The following HECW2 variants were observed in gnomAD, a reference collection of about 807,000 sequenced individuals.
HECW2 encodes the protein E3 ubiquitin-protein ligase HECW2.
Under a neutral mutation model 175.2 loss-of-function variants are expected in HECW2, and 61 were observed. The ratio of observed to expected loss-of-function variants is 0.35; its 90% confidence interval spans 0.28 to 0.43. HECW2 has a LOEUF of 0.43. HECW2 is among the 20% of genes least tolerant of loss of function. The pLI is 1.00. For synonymous variants in HECW2, 671 were observed against 731.0 expected, an observed-to-expected ratio of 0.92 and a Z score of 1.32; for missense variants, 1,524 against 2,000.5, an observed-to-expected ratio of 0.76 and a Z score of 4.54.
intron 17 of HECW2, among the ~76,000 whole-genome samples, chr2:196,261,801 C>A: frequency 6.6e-6 from 1 of 152,298 alleles, no homozygotes; most frequent in Middle Eastern, 3.4e-3. Context: ...TATTTGTACA[C>A]ATTTAAGTTT....
Position 196,331,084 on chromosome 2 carries a change from G to A in HECW2, c.496-1434C>T, listed in dbSNP as rs192887843. The A allele has an allele frequency of 6.4e-5, 58 of 899,258 alleles. No homozygotes were observed. The East Asian group carries it at 7.1e-4, about 11-fold the overall frequency. 55.7% of individuals were successfully genotyped at this position (899,258 alleles called of 1,614,324 possible). ...TGAAGTATAAATTTCTACTGCCTCC[G>A]CTGTAACTCCTGTACCTTAGTCAAA... On this transcript the variant is annotated intron_variant, in intron 4 of 28. Coordinates refer to ENST00000644978, the MANE Select transcript of HECW2 (RefSeq NM_001348768.2).
chr2:196,418,444 A>G (rs1695317489), intron 2 of HECW2, among the ~76,000 whole-genome samples: 1 of 152,152 alleles, frequency 6.6e-6, no homozygotes, highest in Admixed American at 6.5e-5. Context: ...TCACTTCTTG[A>G]TCCATCAATA....
chr2:196,267,412 T>G (rs150205357), intron 17 of HECW2, among the ~76,000 whole-genome samples: 15 of 152,300 alleles, frequency 9.8e-5, no homozygotes, highest in African/African-American at 3.6e-4. Flanking sequence ...ACATCTTCTT[T>G]CAGTGAGAAC....
At chr2:196,288,054 G>T (rs1189079816) in intron 14 of HECW2, 1 of 151,372 alleles carries the variant, frequency 6.6e-6, no homozygotes, top group South Asian at 2.1e-4. Context: ...CAACGTGCAG[G>T]TTTGTTACAT....
chr2:196,230,355 C>A (rs1447284656), intron 21 of HECW2, among the ~76,000 whole-genome samples: 1 of 152,206 alleles, frequency 6.6e-6, no homozygotes, highest in Non-Finnish European at 1.5e-5. Flanking sequence ...TACTCAGAAG[C>A]TTTCTTTCAA....
Position 196,319,512 on chromosome 2 carries a change from T to C in HECW2, c.1378A>G (p.Met460Val). The C allele has an allele frequency of 6.2e-7, 1 of 1,614,156 alleles. No individual in the cohort carries two copies. The highest frequency in any genetic ancestry group is 8.5e-7 in the Non-Finnish European group (1 of 1,180,030). ...TCTTCATCTGAATCAATATGAAGCA[T>C]GGCATTGAGTCTTGTGTCAGTGGGA... is the stretch of plus-strand genomic sequence containing the variant. Reference protein sequence around the residue: ...SFPTDTRLNAMLHIDSDEEDH... With the variant: ...SFPTDTRLNAVLHIDSDEEDH... The change falls in exon 9 of 29, where the codon ATG becomes GTG. Residue 460 changes from methionine (M) to valine (V), a missense_variant. Coordinates refer to ENST00000644978, the MANE Select transcript of HECW2 (RefSeq NM_001348768.2).
At chr2:196,256,750 A>G (rs747851706) in intron 18 of HECW2, among the ~76,000 whole-genome samples, 4 of 152,196 alleles carry the variant, frequency 2.6e-5, no homozygotes, top group African/African-American at 4.8e-5. Flanking sequence ...ACCACCTAGC[A>G]TACTATATGC....
At chr2:196,375,023 G>A (rs2889219) in intron 2 of HECW2, among the ~76,000 whole-genome samples, 4,750 of 151,684 alleles carry the variant, frequency 0.031, 243 homozygotes, top group African/African-American at 0.11. Flanking sequence ...TTAGCCAGTC[G>A]TGGTGGTGCG....
chr2:196,380,253 C>T (rs1318082307), intron 2 of HECW2, among the ~76,000 whole-genome samples: 2 of 152,188 alleles, frequency 1.3e-5, no homozygotes, highest in Admixed American at 6.5e-5. Context: ...TGATGGAACA[C>T]TCCTTCAGTA....
At chr2:196,243,068 G>C (rs961012913) in intron 19 of HECW2, among the ~76,000 whole-genome samples, 1 of 152,068 alleles carries the variant, frequency 6.6e-6, no homozygotes, top group East Asian at 1.9e-4. Flanking sequence ...TCATATTGCA[G>C]GGTAAAATCT....
chr2:196,497,785 C>A (rs542231443), intron 1 of HECW2, among the ~76,000 whole-genome samples: 3 of 152,212 alleles, frequency 2.0e-5, no homozygotes, highest in Non-Finnish European at 4.4e-5. Flanking sequence ...AGTTACCTAA[C>A]CACAGAGGGT....
chr2:196,313,586 T>C (rs1691579941), intron 10 of HECW2, among the ~76,000 whole-genome samples: 1 of 152,144 alleles, frequency 6.6e-6, no homozygotes, highest in Non-Finnish European at 1.5e-5. Flanking sequence ...AACCAATTGG[T>C]AGATCACCAT....
intron 5 of HECW2, among the ~76,000 whole-genome samples, chr2:196,329,371 T>G (rs1413589437): frequency 1.3e-5 from 2 of 152,132 alleles, no homozygotes; most frequent in African/African-American, 4.8e-5. Context: ...CCAGAAAACT[T>G]GGTAGAAGAA....
intron 26 of HECW2, chr2:196,218,286 G>A (rs1687547154): frequency 2.6e-5 from 4 of 152,222 alleles, no homozygotes; most frequent in Admixed American, 2.6e-4. Flanking sequence ...CAGCTGGGGT[G>A]TGAACATATG....
chr2:196,357,611 C>A (rs188478558), intron 2 of HECW2, among the ~76,000 whole-genome samples: 1 of 152,174 alleles, frequency 6.6e-6, no homozygotes, highest in Non-Finnish European at 1.5e-5. Context: ...GGCTCTGTGT[C>A]CCTACCCAAA....
intron 10 of HECW2, among the ~76,000 whole-genome samples, chr2:196,312,063 G>T (rs62184636): frequency 6.6e-6 from 1 of 152,124 alleles, no homozygotes; most frequent in East Asian, 1.9e-4. Context: ...TGGGAAGGGC[G>T]CAGGGTTGTT....
At position 196,541,981 on chromosome 2, in the gene HECW2, G is replaced by A. The variant is rs549279038; in HGVS notation, c.-36+51527C>T. ...GAATGTAACATAGAAAAAGACAAAG[G>A]TGCCAGGCACGGTGGCTCATGCCTG... On this transcript the variant is annotated intron_variant, in intron 1 of 28. Transcript: ENST00000644978. Among the ~76,000 whole-genome samples the A allele has an allele frequency of 1.6e-4, 24 of 152,038 alleles. 2 individuals carry two copies. The South Asian group carries it at 3.7e-3, about 24-fold the overall frequency.
At chr2:196,484,253 A>AG (rs1411966035) in intron 1 of HECW2, among the ~76,000 whole-genome samples, 2 of 152,238 alleles carry the variant, frequency 1.3e-5, no homozygotes, top group African/African-American at 2.4e-5. Flanking sequence ...TAAGATGTTT[A>AG]GGAACTTTTT....
intron 2 of HECW2, among the ~76,000 whole-genome samples, chr2:196,413,285 C>T (rs907180850): frequency 9.9e-5 from 15 of 152,070 alleles, no homozygotes; most frequent in Admixed American, 6.5e-4. Flanking sequence ...AGCACAGGAG[C>T]GTGAGGTAAC....
Sources: allele counts gnomAD v4.1 joint callset (sites outside exome capture counted in the v4.1 genomes callset), GRCh38; gene constraint gnomAD v4.1.1; transcripts MANE v1.5; gene names NCBI Gene and HGNC (gene_info 2026-07-23, HGNC 2026-07-21).